PAWR: variants seen among roughly 807,000 people sequenced by gnomAD.
The protein encoded by PAWR is pro-apoptotic WT1 regulator.
A neutral mutation model predicts 32.0 loss-of-function variants in PAWR; 23 were observed. The observed-to-expected ratio is 0.72, with a 90% CI of 0.52 to 1.02. The LOEUF (loss-of-function observed/expected upper bound fraction) is 1.02, where lower values mean the gene tolerates loss of function less well. PAWR is among the 50% of genes least tolerant of loss of function. The pLI is 0.00. For missense variants in PAWR, 457 were observed against 437.7 expected, an observed-to-expected ratio of 1.04 and a Z score of -0.39; for synonymous variants, 226 against 187.1, an observed-to-expected ratio of 1.21 and a Z score of -1.70.
intron 2 of PAWR, among the ~76,000 whole-genome samples, chr12:79,621,909 T>A (rs1326006820): frequency 3.9e-5 from 6 of 152,130 alleles, no homozygotes; most frequent in Non-Finnish European, 8.8e-5. Flanking sequence ...ATTATACACA[T>A]CATGGGCTGG....
intron 2 of PAWR, among the ~76,000 whole-genome samples, chr12:79,647,013 T>G (rs1481052126): frequency 6.6e-6 from 1 of 151,532 alleles, no homozygotes; most frequent in African/African-American, 2.4e-5. Flanking sequence ...CCATCTTTAC[T>G]AAAATACAAA....
At chr12:79,603,407 C>T (rs1468195283) in intron 4 of PAWR, among the ~76,000 whole-genome samples, 2 of 151,862 alleles carry the variant, frequency 1.3e-5, no homozygotes, top group African/African-American at 2.4e-5. Flanking sequence ...TTATAGAAGA[C>T]CATTAGAAGC....
intron 4 of PAWR, among the ~76,000 whole-genome samples, chr12:79,612,947 CAT>C (rs1592500577): frequency 6.6e-6 from 1 of 152,210 alleles, no homozygotes; most frequent in South Asian, 2.1e-4. Flanking sequence ...TCCCAAAATT[CAT>C]ATGTTGAAGC....
chr12:79,685,233 A>T (rs1470972288), intron 2 of PAWR, among the ~76,000 whole-genome samples: 1 of 152,240 alleles, frequency 6.6e-6, no homozygotes, highest in Non-Finnish European at 1.5e-5. Flanking sequence ...TACACTAAAC[A>T]GTCTCAGTGT....
intron 2 of PAWR, among the ~76,000 whole-genome samples, chr12:79,628,884 A>T (rs1875472350): frequency 6.6e-6 from 1 of 152,136 alleles, no homozygotes; most frequent in Admixed American, 6.5e-5. Context: ...AAATAAAAGT[A>T]TACCAGTGTA....
chr12:79,669,624 A>T (rs1299355307), intron 2 of PAWR, among the ~76,000 whole-genome samples: 1 of 152,180 alleles, frequency 6.6e-6, no homozygotes, highest in Non-Finnish European at 1.5e-5. Context: ...GTTCTTTAAA[A>T]AAAGAAAAAA....
chr12:79,650,680 T>C (rs1396154877), intron 2 of PAWR, among the ~76,000 whole-genome samples: 1 of 149,318 alleles, frequency 6.7e-6, no homozygotes, highest in Non-Finnish European at 1.5e-5. Context: ...AGTAAAACTT[T>C]CCTTACTCAA....
intron 2 of PAWR, among the ~76,000 whole-genome samples, chr12:79,656,895 C>A (rs1452395168): frequency 1.3e-5 from 2 of 152,146 alleles, no homozygotes; most frequent in East Asian, 3.9e-4. Flanking sequence ...TGGGCAGAGA[C>A]CAGCACTCTC....
chr12:79,604,541 C>T (rs1365274635), intron 4 of PAWR: 1 of 1,184,270 alleles, frequency 8.4e-7, no homozygotes, highest in African/African-American at 1.6e-5. Context: ...GTAAATCCTA[C>T]TTTTAGAATA....
intron 2 of PAWR, among the ~76,000 whole-genome samples, chr12:79,637,786 A>C (rs991145714): frequency 1.1e-4 from 16 of 152,092 alleles, no homozygotes; most frequent in African/African-American, 3.4e-4. Flanking sequence ...AAAACGTACA[A>C]ATTTTCAAAA....
intron 2 of PAWR, among the ~76,000 whole-genome samples, chr12:79,629,201 C>G (rs1171116315): frequency 6.6e-6 from 1 of 151,948 alleles, no homozygotes; most frequent in Admixed American, 6.6e-5. Flanking sequence ...AACTGAAAGG[C>G]AGAAGTTATA....
chr12:79,621,213 AG>A lies in PAWR; in HGVS notation c.517-7del. 1 of 1,588,496 alleles carries A rather than the reference AG, an allele frequency of 6.3e-7. No individual in the cohort carries two copies. On this transcript the variant is annotated splice_region_variant and splice_polypyrimidine_tract_variant and intron_variant, in intron 2 of 6. Coordinates refer to ENST00000328827, the MANE Select transcript of PAWR (RefSeq NM_002583.4). ...TCTTCGTACTCATCTAAGCACTGAAAGAAAAAAAGAGTTTCCATTTTATTTC... is the reference window on the plus strand; with the variant it reads ...TCTTCGTACTCATCTAAGCACTGAAAAAAAAAAGAGTTTCCATTTTATTTC...
At chr12:79,672,357 T>G (rs932717828) in intron 2 of PAWR, among the ~76,000 whole-genome samples, 4 of 152,212 alleles carry the variant, frequency 2.6e-5, no homozygotes, top group African/African-American at 7.2e-5. Flanking sequence ...AGTTGAATAC[T>G]TGAAGTTTCC....
intron 2 of PAWR, among the ~76,000 whole-genome samples, chr12:79,660,933 GATTAAGTCC>G (rs1877319531): frequency 6.6e-6 from 1 of 151,082 alleles, no homozygotes; most frequent in South Asian, 2.1e-4. Context: ...AGAATATAAA[GATTAAGTCC>G]ATATAGCTAA....
At chr12:79,617,289 T>C (rs887827217) in intron 3 of PAWR, among the ~76,000 whole-genome samples, 1 of 151,970 alleles carries the variant, frequency 6.6e-6, no homozygotes, top group Admixed American at 6.6e-5. Flanking sequence ...AAGGTGGAGG[T>C]TGCAGTGAGC....
At chr12:79,619,163 T>C (rs1874884882) in intron 3 of PAWR, among the ~76,000 whole-genome samples, 1 of 152,186 alleles carries the variant, frequency 6.6e-6, no homozygotes, top group African/African-American at 2.4e-5. Context: ...TGAAACTTGG[T>C]GCTGTCCTGC....
intron 6 of PAWR, among the ~76,000 whole-genome samples, chr12:79,593,923 C>T (rs912181778): frequency 5.9e-5 from 9 of 151,652 alleles, no homozygotes. Context: ...AGGCTGGTCT[C>T]GAACTCCTGA....
chr12:79,689,534 C>T (rs938826590), intron 2 of PAWR, among the ~76,000 whole-genome samples, 195 bp downstream of exon 2: 28 of 152,290 alleles, frequency 1.8e-4, no homozygotes, highest in Middle Eastern at 6.8e-3. Context: ...GTGTCCTACT[C>T]TGAGTTTGGG....
chr12:79,631,361 G>A (rs964736647), intron 2 of PAWR, among the ~76,000 whole-genome samples: 2 of 152,080 alleles, frequency 1.3e-5, no homozygotes, highest in Non-Finnish European at 2.9e-5. Context: ...ATACATGTTG[G>A]AAAGGAAAAA....
Sources: allele counts gnomAD v4.1 joint callset (sites outside exome capture counted in the v4.1 genomes callset), GRCh38; gene constraint gnomAD v4.1.1; transcripts MANE v1.5; gene names NCBI Gene and HGNC (gene_info 2026-07-23, HGNC 2026-07-21).